Variants in SLC71A2 observed in about 807,000 individuals in gnomAD.
SLC71A2 encodes the protein solute carrier family 71 member 2.
At chr9:94,433,843 G>C in the SLC71A2 span, among the ~76,000 whole-genome samples, 155 of 152,154 alleles carry the variant, frequency 1.0e-3, no homozygotes, top group African/African-American at 3.6e-3. Context: ...AATCTGAAAT[G>C]TTTTTTCTCA....
the SLC71A2 span, among the ~76,000 whole-genome samples, chr9:94,405,309 C>T: frequency 6.6e-6 from 1 of 151,200 alleles, no homozygotes; most frequent in African/African-American, 2.5e-5. Flanking sequence ...CCCTGGCTAA[C>T]ATGGTGAAAC....
At chr9:94,455,983 GAA>G in the SLC71A2 span, among the ~76,000 whole-genome samples, 1 of 152,146 alleles carries the variant, frequency 6.6e-6, no homozygotes, top group Admixed American at 6.5e-5. Context: ...CCAGGGAGAA[GAA>G]AAGTTTGTAA....
chr9:94,378,212 A>G, the SLC71A2 span, among the ~76,000 whole-genome samples: 1 of 151,864 alleles, frequency 6.6e-6, no homozygotes, highest in Non-Finnish European at 1.5e-5. Flanking sequence ...GAATTTATCA[A>G]GAAAAGTGGT....
At chr9:94,440,783 C>T in the SLC71A2 span, among the ~76,000 whole-genome samples, 1 of 151,856 alleles carries the variant, frequency 6.6e-6, no homozygotes, top group Non-Finnish European at 1.5e-5. Flanking sequence ...ATGTACTGAC[C>T]CCCTTTGAAC....
chr9:94,419,442 C>T, the SLC71A2 span, among the ~76,000 whole-genome samples: 9 of 151,972 alleles, frequency 5.9e-5, no homozygotes, highest in East Asian at 1.4e-3. Context: ...TATAGGTGCC[C>T]GCCACCATGC....
At chr9:94,405,839 G>A in the SLC71A2 span, among the ~76,000 whole-genome samples, 5 of 151,072 alleles carry the variant, frequency 3.3e-5, no homozygotes, top group African/African-American at 1.2e-4. Flanking sequence ...AGCATCATTG[G>A]GATTTTGATA....
At chr9:94,435,827 T>C in the SLC71A2 span, among the ~76,000 whole-genome samples, 1 of 152,060 alleles carries the variant, frequency 6.6e-6, no homozygotes, top group Non-Finnish European at 1.5e-5. Context: ...GCTAATTTTG[T>C]ATTTTTAGTA....
the SLC71A2 span, among the ~76,000 whole-genome samples, chr9:94,375,645 C>G: frequency 6.6e-6 from 1 of 151,178 alleles, no homozygotes; most frequent in Non-Finnish European, 1.5e-5. Context: ...GGTCTTAGGA[C>G]CTGAAATATA....
the SLC71A2 span, among the ~76,000 whole-genome samples, chr9:94,425,381 G>A: frequency 1.4e-4 from 22 of 152,190 alleles, no homozygotes; most frequent in Non-Finnish European, 2.2e-4. Flanking sequence ...AAAATTCTTC[G>A]CAAGTTATTT....
the SLC71A2 span, among the ~76,000 whole-genome samples, chr9:94,376,475 A>G: frequency 6.6e-6 from 1 of 151,916 alleles, no homozygotes; most frequent in Non-Finnish European, 1.5e-5. Flanking sequence ...TGTAAAGATG[A>G]TCATTACTGC....
the SLC71A2 span, among the ~76,000 whole-genome samples, chr9:94,417,847 G>C: frequency 3.5e-5 from 3 of 85,568 alleles, no homozygotes; most frequent in African/African-American, 1.2e-4. Flanking sequence ...TTATAGGCAA[G>C]TTCCCACCCC....
chr9:94,451,586 T>G, the SLC71A2 span: 1 of 891,486 alleles, frequency 1.1e-6, no homozygotes, highest in Non-Finnish European at 1.7e-6. Flanking sequence ...AACCATAGTT[T>G]CACAGGAAGC....
the SLC71A2 span, among the ~76,000 whole-genome samples, chr9:94,408,830 TGTTTG>T: frequency 1.5e-5 from 2 of 137,656 alleles, no homozygotes; most frequent in African/African-American, 2.8e-5. Flanking sequence ...TTTTTTTGTT[TGTTTG>T]TTTTTTGAGA....
At chr9:94,375,376 T>TG in the SLC71A2 span, among the ~76,000 whole-genome samples, 1 of 151,648 alleles carries the variant, frequency 6.6e-6, no homozygotes, top group African/African-American at 2.4e-5. Flanking sequence ...GTCCTAGCGA[T>TG]GGGGAGCAGA....
chr9:94,452,638 T>TATATATATTC, the SLC71A2 span, among the ~76,000 whole-genome samples: 218 of 115,714 alleles, frequency 1.9e-3, 1 homozygote, highest in South Asian at 0.017. Flanking sequence ...TATATTTTCA[T>TATATATATTC]ATATATATTC....
the SLC71A2 span, among the ~76,000 whole-genome samples, chr9:94,457,633 C>G: frequency 6.6e-6 from 1 of 152,188 alleles, no homozygotes; most frequent in South Asian, 2.1e-4. Context: ...AGGACTGTCA[C>G]TGCCTTGGCA....
chr9:94,444,339 G>A, the SLC71A2 span, among the ~76,000 whole-genome samples: 4 of 152,204 alleles, frequency 2.6e-5, no homozygotes, highest in Non-Finnish European at 5.9e-5. Flanking sequence ...GTGACAGAGA[G>A]ACAGAAATCT....
chr9:94,459,027 AT>A, the SLC71A2 span: 2 of 1,000,688 alleles, frequency 2.0e-6, no homozygotes, highest in Non-Finnish European at 3.0e-6. Context: ...TTGCCTTGAC[AT>A]TTAATGAAAC....
At chr9:94,405,815 CTCT>C in the SLC71A2 span, among the ~76,000 whole-genome samples, 1 of 151,434 alleles carries the variant, frequency 6.6e-6, no homozygotes, top group Admixed American at 6.6e-5. Flanking sequence ...ATGGAGTTTT[CTCT>C]TCTTGCAAAA....
Sources: allele counts gnomAD v4.1 joint callset (sites outside exome capture counted in the v4.1 genomes callset), GRCh38; gene constraint gnomAD v4.1.1; transcripts MANE v1.5; gene names NCBI Gene and HGNC (gene_info 2026-07-23, HGNC 2026-07-21).